RALGPS1: variants seen among roughly 807,000 people sequenced by gnomAD.
The protein encoded by RALGPS1 is ras-specific guanine nucleotide-releasing factor RalGPS1.
RALGPS1 carries 19 observed loss-of-function variants against 78.8 expected under a neutral mutation model. The ratio of observed to expected loss-of-function variants is 0.24; its 90% CI spans 0.17 to 0.35. The LOEUF is 0.35. Ranked by LOEUF, RALGPS1 falls within the 10% of genes least tolerant of loss-of-function variation. The pLI is 1.00. For missense variants in RALGPS1, 454 were observed against 688.3 expected (o/e 0.66, Z 3.81); for synonymous variants, 228 against 256.3 (o/e 0.89, Z 1.06).
intron 8 of RALGPS1, chr9:127,107,826 A>G: frequency 1.5e-6 from 2 of 1,376,998 alleles, no homozygotes; most frequent in Non-Finnish European, 2.0e-6. Context: ...TCAACTGGCC[A>G]TGGCTTTTCC....
In RALGPS1 at chr9:127,031,052, G is replaced by A. The variant is rs201016230; in HGVS notation, c.217-3379G>A. 8.5e-5 allele frequency among the ~76,000 whole-genome samples: 13 copies of A among 152,226 alleles called. No homozygotes were observed. In the East Asian group the frequency reaches 1.4e-3, roughly 16 times the overall value. ...GTCTGGGCAAGATGTGGGCCTCAGC[G>A]CCCATGGGAAGGGCTGTGCGACAGT... On this transcript the variant is annotated intron_variant, in intron 4 of 18. Transcript: ENST00000259351.
chr9:126,970,359 C>T (rs1216491667), intron 3 of RALGPS1, among the ~76,000 whole-genome samples: 1 of 152,048 alleles, frequency 6.6e-6, no homozygotes, highest in African/African-American at 2.4e-5. Flanking sequence ...ATAAGAGAAC[C>T]CCAAAGTTGT....
chr9:127,100,805 A>T (rs2053647252), intron 8 of RALGPS1, among the ~76,000 whole-genome samples: 1 of 152,238 alleles, frequency 6.6e-6, no homozygotes, highest in Non-Finnish European at 1.5e-5. Flanking sequence ...ACCCTTTCCA[A>T]GGAAGGGATC....
chr9:127,205,780 A>G lies in RALGPS1; in HGVS notation c.1248-6351A>G, dbSNP rs2061899195. 6.6e-6 allele frequency among the ~76,000 whole-genome samples: 1 copy of G among 152,216 alleles called. No individual in the cohort carries two copies. Among genetic ancestry groups the G allele is most frequent in the African/African-American group, 2.4e-5 (1 of 41,458 alleles). ...AACTTGGGATGCCTCCCAGGTTTAC[A>G]TGTGATAGTTTCGCCCAGCCACTGA... On this transcript the variant is annotated intron_variant, in intron 14 of 18. Coordinates refer to ENST00000259351, the MANE Select transcript of RALGPS1 (RefSeq NM_014636.3). This position sits in a 1 kb window ranked among gnomAD's most constrained non-coding sequence, Gnocchi z 4.0.
intron 8 of RALGPS1, chr9:127,108,223 A>G: frequency 6.2e-7 from 1 of 1,613,982 alleles, no homozygotes; most frequent in Non-Finnish European, 8.5e-7. Flanking sequence ...GGCCAGCTGC[A>G]GCATGTCGGC....
chr9:127,073,200 G>A (rs1424547227), intron 8 of RALGPS1, among the ~76,000 whole-genome samples: 1 of 152,056 alleles, frequency 6.6e-6, no homozygotes, highest in East Asian at 1.9e-4. Context: ...AACTATGTTT[G>A]TATCCATTAA....
intron 5 of RALGPS1, among the ~76,000 whole-genome samples, chr9:127,045,046 G>A (rs1440117339): frequency 6.6e-6 from 1 of 152,294 alleles, no homozygotes; most frequent in African/African-American, 2.4e-5. Context: ...GCTTTGGAAA[G>A]GGGAGAGGGC....
intron 7 of RALGPS1, among the ~76,000 whole-genome samples, chr9:127,060,816 G>A (rs939534173): frequency 2.0e-5 from 3 of 152,184 alleles, no homozygotes; most frequent in African/African-American, 7.2e-5. Flanking sequence ...GGGGCTGTGT[G>A]CCATCGCTCC....
intron 4 of RALGPS1, among the ~76,000 whole-genome samples, chr9:126,986,048 A>T (rs370318052): frequency 3.3e-5 from 5 of 152,336 alleles, no homozygotes; most frequent in East Asian, 1.9e-4. Context: ...TTTCCTGGTG[A>T]GCTCAGCCTT....
chr9:127,018,176 C>T (rs1236475244), intron 4 of RALGPS1, among the ~76,000 whole-genome samples: 1 of 151,844 alleles, frequency 6.6e-6, no homozygotes, highest in East Asian at 1.9e-4. Context: ...CATTGCGCCA[C>T]TGCACTCCAG....
chr9:126,943,476 C>A (rs1564286047), intron 1 of RALGPS1, among the ~76,000 whole-genome samples: 1 of 152,088 alleles, frequency 6.6e-6, no homozygotes, highest in Non-Finnish European at 1.5e-5. Flanking sequence ...TTCAGCAGGA[C>A]CTGGAGAGTG....
intron 7 of RALGPS1, among the ~76,000 whole-genome samples, chr9:127,062,394 G>A (rs963650150): frequency 4.6e-5 from 7 of 152,098 alleles, no homozygotes; most frequent in East Asian, 1.9e-4. Context: ...TGCCGCGCCC[G>A]GCCAAGGATG....
intron 8 of RALGPS1, among the ~76,000 whole-genome samples, chr9:127,080,071 A>G (rs2136113826): frequency 6.6e-6 from 1 of 152,242 alleles, no homozygotes; most frequent in East Asian, 1.9e-4. Context: ...GGGATTCGAT[A>G]GGCTAGAGAA....
rs765065656 is a variant in RALGPS1 at position 127,221,449 on chromosome 9, ACATT to A, written c.*2681_*2684del. Reference sequence around the variant, plus strand: ...ACAACTGTGGAGTTGGTAGCTGGTAACATTGTTGTCTCAAGAACAACTCACCTCT... The same window carrying A: ...ACAACTGTGGAGTTGGTAGCTGGTAAGTTGTCTCAAGAACAACTCACCTCT... On this transcript the variant is annotated 3_prime_UTR_variant, in exon 19 of 19. Coordinates refer to ENST00000259351, the MANE Select transcript of RALGPS1 (RefSeq NM_014636.3). The A allele has an allele frequency of 1.3e-5, 2 of 152,198 alleles. No homozygotes were observed. The highest frequency in any genetic ancestry group is 2.9e-5 in the Non-Finnish European group (2 of 68,038). The allele number at this position is 152,198 out of a possible 1,614,324, so 9.4% of individuals were successfully genotyped here.
At chr9:127,191,741 A>G (rs990505052) in intron 11 of RALGPS1, among the ~76,000 whole-genome samples, 6 of 125,666 alleles carry the variant, frequency 4.8e-5, no homozygotes, top group Admixed American at 1.0e-4. Context: ...TCTGTCACCC[A>G]GGCTGGAGTG....
rs1463960357 is a variant in RALGPS1 at position 126,977,663 on chromosome 9, T to C, written c.166-32T>C. ...CATGACAGTTATCTTTGATGTACAG[T>C]ATTTTCTAAAATTGATTCTCTTTTG... On this transcript the variant is annotated intron_variant, in intron 3 of 18. Transcript: ENST00000259351. 3.4e-6 allele frequency: 5 copies of C among 1,468,134 alleles called. No homozygotes were observed. The African/African-American group carries it at 7.0e-5, about 21-fold the overall frequency. 90.9% of individuals were successfully genotyped at this position (1,468,134 alleles called of 1,614,324 possible). A position where few individuals can be genotyped will look rare whatever the true frequency, so the allele number is the denominator to read the frequency against.
rs552061116 is a variant in RALGPS1, at chr9:127,072,852, T to C, written c.610+3496T>C. On this transcript the variant is annotated intron_variant, in intron 8 of 18. Transcript: ENST00000259351. ...AGTACTCCGTACAAAGTTATCTTGG[T>C]TCCATTTGTTACTTGCTTTTACTTC... Among the ~76,000 whole-genome samples, 17 of 152,360 alleles carry C rather than the reference T, an allele frequency of 1.1e-4. No homozygotes were observed. The South Asian group carries it at 2.9e-3, about 26-fold the overall frequency.
chr9:127,080,737 C>T (rs186427682), intron 8 of RALGPS1, among the ~76,000 whole-genome samples: 1 of 152,272 alleles, frequency 6.6e-6, no homozygotes, highest in Non-Finnish European at 1.5e-5. Flanking sequence ...TAGTTTTTCC[C>T]TTTTACATAT....
chr9:127,191,700 G>T (rs373865982), intron 11 of RALGPS1, among the ~76,000 whole-genome samples: 1,806 of 125,334 alleles, frequency 0.014, 42 homozygotes, highest in African/African-American at 0.046. Flanking sequence ...GTTTTTTTTT[G>T]TTTTTTTTTT....
Sources: allele counts gnomAD v4.1 joint callset (sites outside exome capture counted in the v4.1 genomes callset), GRCh38; gene constraint gnomAD v4.1.1; non-coding constraint Gnocchi (gnomAD v3.1); transcripts MANE v1.5; gene names NCBI Gene and HGNC (gene_info 2026-07-23, HGNC 2026-07-21).